The following NAALADL2 variants were observed in gnomAD, a reference collection of about 807,000 sequenced individuals.
The protein encoded by NAALADL2 is inactive N-acetylated-alpha-linked acidic dipeptidase-like protein 2.
NAALADL2 carries 76 observed loss-of-function variants against 87.2 expected under a neutral mutation model. The observed-to-expected ratio is 0.87, with a 90% confidence interval of 0.72 to 1.05. NAALADL2 has a LOEUF of 1.05. Ranked by LOEUF, NAALADL2 falls within the 50% of genes least tolerant of loss-of-function variation. The pLI is 0.00. For missense variants in NAALADL2, 1,089 were observed against 945.8 expected (o/e 1.15, Z -1.99); for synonymous variants, 354 against 331.0 (o/e 1.07, Z -0.75).
intron 9 of NAALADL2, among the ~76,000 whole-genome samples, chr3:175,490,012 C>T (rs956308956): frequency 6.6e-6 from 1 of 152,158 alleles, no homozygotes; most frequent in African/African-American, 2.4e-5. Flanking sequence ...TGTCCTGACC[C>T]TCACTTCTAA....
intron 1 of NAALADL2, among the ~76,000 whole-genome samples, chr3:174,987,595 A>AAT (rs1560446111): frequency 7.0e-6 from 1 of 141,954 alleles, no homozygotes; most frequent in African/African-American, 2.8e-5. Context: ...AAAAAAAAAA[A>AAT]AAACAATACT....
chr3:174,935,425 C>A (rs960658507), intron 1 of NAALADL2, among the ~76,000 whole-genome samples: 3 of 152,026 alleles, frequency 2.0e-5, no homozygotes, highest in Non-Finnish European at 2.9e-5. Context: ...ACAAAACAGA[C>A]CTTAGAGATA....
chr3:174,735,658 C>G (rs1313539492), intron 2 of NAALADL2, among the ~76,000 whole-genome samples: 1 of 152,176 alleles, frequency 6.6e-6, no homozygotes, highest in Non-Finnish European at 1.5e-5. Flanking sequence ...CTCACAGGCT[C>G]AAGTGATCCT....
rs140508653 is a variant in NAALADL2, at chr3:175,446,553, C to A, written c.1091-676C>A. 2.0e-3 allele frequency among the ~76,000 whole-genome samples: 311 copies of A among 152,256 alleles called. 1 individual carries two copies. Among genetic ancestry groups the A allele is most frequent in the African/African-American group, 6.9e-3 (287 of 41,568 alleles). On this transcript the variant is annotated intron_variant, in intron 5 of 13. Coordinates refer to ENST00000454872, the MANE Select transcript of NAALADL2 (RefSeq NM_207015.3). ...CACCACACCAGGTCGACACCATCCT[C>A]TTTAAAGTGTGATGTTTCTCGCTGT...
chr3:175,763,842 A>T (rs1748345715), intron 13 of NAALADL2, among the ~76,000 whole-genome samples: 1 of 152,110 alleles, frequency 6.6e-6, no homozygotes, highest in Non-Finnish European at 1.5e-5. Context: ...ACACACACAC[A>T]CAAAGACACT....
intron 1 of NAALADL2, among the ~76,000 whole-genome samples, chr3:174,489,958 A>G (rs1335633221): frequency 6.6e-6 from 1 of 152,146 alleles, no homozygotes; most frequent in Non-Finnish European, 1.5e-5. Context: ...AGAGGGGAAT[A>G]TAAACTGGTC....
chr3:175,338,622 AACACACACACACACAC>A (rs202022603), intron 5 of NAALADL2, among the ~76,000 whole-genome samples: 2,354 of 88,420 alleles, frequency 0.027, 66 homozygotes, highest in Middle Eastern at 0.071. Flanking sequence ...AAACACCACA[AACACACACACACACAC>A]ACACACACAC....
chr3:175,628,434 A>G (rs565793075), intron 11 of NAALADL2, among the ~76,000 whole-genome samples: 2 of 151,542 alleles, frequency 1.3e-5, no homozygotes, highest in Admixed American at 1.3e-4. Flanking sequence ...AGTTAATTAC[A>G]TAAAGAAAAT....
intron 2 of NAALADL2, among the ~76,000 whole-genome samples, chr3:174,686,974 AT>A (rs1391214417): frequency 6.6e-6 from 1 of 151,966 alleles, no homozygotes; most frequent in African/African-American, 2.4e-5. Flanking sequence ...CTAAAGAGAA[AT>A]TTTTTTAGTC....
At chr3:174,475,607 C>A (rs1195251530) in intron 1 of NAALADL2, among the ~76,000 whole-genome samples, 4 of 151,968 alleles carry the variant, frequency 2.6e-5, no homozygotes, top group Admixed American at 2.6e-4. Flanking sequence ...CTCATTCATT[C>A]TGCAGATATT....
At chr3:175,642,800 G>A (rs67870879) in intron 11 of NAALADL2, among the ~76,000 whole-genome samples, 3 of 151,968 alleles carry the variant, frequency 2.0e-5, no homozygotes, top group East Asian at 1.9e-4. Context: ...GCGCCCGGCC[G>A]CAAATCTTTT....
At chr3:175,660,228 G>C (rs1410344718) in intron 11 of NAALADL2, among the ~76,000 whole-genome samples, 1 of 152,086 alleles carries the variant, frequency 6.6e-6, no homozygotes, top group Non-Finnish European at 1.5e-5. Flanking sequence ...GTTTCAACAT[G>C]TACATTTTGG....
chr3:174,577,523 A>C (rs1715664937), intron 2 of NAALADL2, among the ~76,000 whole-genome samples: 1 of 152,156 alleles, frequency 6.6e-6, no homozygotes. Context: ...AATTCTGCCA[A>C]ATCCTTTTTT....
chr3:174,635,550 T>C (rs1439983187), intron 2 of NAALADL2, among the ~76,000 whole-genome samples: 1 of 150,994 alleles, frequency 6.6e-6, no homozygotes, highest in Non-Finnish European at 1.5e-5. Context: ...TCATCCAGGC[T>C]GGAGTGCTCT....
chr3:175,083,020 G>A (rs774218275), intron 1 of NAALADL2, among the ~76,000 whole-genome samples: 8 of 152,142 alleles, frequency 5.3e-5, no homozygotes, highest in Non-Finnish European at 1.2e-4. Context: ...TAAGATACAG[G>A]ACCTGGTTTA....
chr3:174,876,759 T>A (rs1475506260), intron 1 of NAALADL2, among the ~76,000 whole-genome samples: 1 of 152,190 alleles, frequency 6.6e-6, no homozygotes, highest in East Asian at 1.9e-4. Flanking sequence ...CTTTGTGAGA[T>A]AGCCCATAGA....
chr3:175,648,230 T>G (rs1252792906), intron 11 of NAALADL2, among the ~76,000 whole-genome samples: 1 of 152,154 alleles, frequency 6.6e-6, no homozygotes, highest in Non-Finnish European at 1.5e-5. Context: ...ACATGGCAGT[T>G]TCTCTTATTT....
intron 2 of NAALADL2, among the ~76,000 whole-genome samples, chr3:174,558,752 A>G (rs1159668345): frequency 6.6e-6 from 1 of 152,080 alleles, no homozygotes; most frequent in African/African-American, 2.4e-5. Flanking sequence ...CCATGGACTG[A>G]TCCTGGTCCA....
chr3:175,591,007 G>C (rs1215289856), intron 10 of NAALADL2, among the ~76,000 whole-genome samples: 1 of 124,452 alleles, frequency 8.0e-6, no homozygotes, highest in Non-Finnish European at 1.8e-5. Flanking sequence ...AGCTTGTGCT[G>C]TTACTACACT....
Sources: gnomAD v4.1 joint callset for allele counts (sites outside exome capture counted in the v4.1 genomes callset) on GRCh38, gnomAD v4.1.1 for gene constraint, MANE v1.5 for transcripts, NCBI Gene and HGNC (gene_info 2026-07-23, HGNC 2026-07-21) for gene names.